Variants in ENPP2 observed in about 807,000 individuals in gnomAD.
ENPP2 encodes ectonucleotide pyrophosphatase/phosphodiesterase 2, also known as autotaxin.
A neutral mutation model predicts 120.2 loss-of-function variants in ENPP2; 51 were observed. The observed-to-expected ratio is 0.42, with a 90% CI of 0.34 to 0.54. ENPP2 has a LOEUF of 0.54. ENPP2 is among the 20% of genes least tolerant of loss of function. The pLI, the probability that ENPP2 is intolerant of heterozygous loss-of-function variation, is 0.04. For synonymous variants in ENPP2, 365 were observed against 366.4 expected (o/e 1.00, Z 0.04); for missense variants, 920 against 1,066.5 (o/e 0.86, Z 1.91).
intron 20 of ENPP2, 97 bp from the exon 21 acceptor site, chr8:119,569,467 T>G: frequency 8.9e-7 from 1 of 1,120,286 alleles, no homozygotes; most frequent in Non-Finnish European, 1.2e-6. Flanking sequence ...GTATTCTGAT[T>G]GATAGTCTGA....
intron 8 of ENPP2, among the ~76,000 whole-genome samples, chr8:119,610,749 A>C (rs1259124606): frequency 6.6e-6 from 1 of 152,050 alleles, no homozygotes; most frequent in Non-Finnish European, 1.5e-5. Flanking sequence ...TAAAGATACA[A>C]AAAACCAGCC....
At chr8:119,571,836 TTTAA>T (rs1815013670) in intron 19 of ENPP2, 1 of 179,268 alleles carries the variant, frequency 5.6e-6, no homozygotes, top group Non-Finnish European at 1.2e-5. Context: ...TACATGTTGC[TTTAA>T]TTAAAGTCTT....
intron 8 of ENPP2, among the ~76,000 whole-genome samples, chr8:119,615,513 A>C (rs1815397851): frequency 6.6e-6 from 1 of 152,202 alleles, no homozygotes. Context: ...AAAGCCACCT[A>C]CAACCCTTTT....
intron 1 of ENPP2, chr8:119,673,186 A>C: frequency 7.3e-7 from 1 of 1,364,996 alleles, no homozygotes; most frequent in Admixed American, 2.0e-5. Flanking sequence ...TCTGCTTGAC[A>C]GAATGGCAGC....
rs186125704 is a variant in ENPP2 at position 119,629,349 on chromosome 8, A to C, written c.137-2629T>G. Among the ~76,000 whole-genome samples, 106 of 152,310 alleles carry C rather than the reference A, an allele frequency of 7.0e-4. 1 individual carries two copies. Among genetic ancestry groups the C allele is most frequent in the African/African-American group, 2.4e-3 (100 of 41,578 alleles). On this transcript the variant is annotated intron_variant, in intron 2 of 24. Coordinates refer to ENST00000075322, the MANE Select transcript of ENPP2 (RefSeq NM_001040092.3). The stretch of plus-strand genomic sequence containing the variant: ...GATTTATAATTTTATTTTCTTATTT[A>C]CATGCTTATGAATTTTTCATTTTTT...
At chr8:119,609,828 A>G (rs1563729647) in intron 8 of ENPP2, among the ~76,000 whole-genome samples, 1 of 152,358 alleles carries the variant, frequency 6.6e-6, no homozygotes, top group South Asian at 2.1e-4. Flanking sequence ...CTTGGCATCT[A>G]TGAAATTTAA....
At chr8:119,606,182 A>G (rs986875740) in intron 9 of ENPP2, among the ~76,000 whole-genome samples, 7 of 152,234 alleles carry the variant, frequency 4.6e-5, no homozygotes, top group African/African-American at 1.7e-4. Flanking sequence ...ATACTTCAAA[A>G]AAAAGGGGAA....
Position 119,593,837 on chromosome 8 carries a change from G to A in ENPP2, c.996C>T (p.Ile332=), listed in dbSNP as rs777887975. ...GPEMTNPLRE[I]DKIVGQLMDG... is the part of the protein sequence containing the mutation. Reference sequence around the variant, plus strand: ...CCATTAATTGCCCCACAATTTTGTCGATTTCCCTCAGAGGATTTGTCATCT... The same window carrying A: ...CCATTAATTGCCCCACAATTTTGTCAATTTCCCTCAGAGGATTTGTCATCT... The change falls in exon 12 of 25, where the codon ATC becomes ATT. Residue 332 remains isoleucine, a synonymous_variant. Coordinates refer to ENST00000075322, the MANE Select transcript of ENPP2 (RefSeq NM_001040092.3). 2.7e-5 allele frequency: 43 copies of A among 1,610,326 alleles called. No individual in the cohort carries two copies. The highest frequency in any genetic ancestry group is 3.3e-5 in the Non-Finnish European group (39 of 1,176,696).
chr8:119,580,893 T>C (rs1812686136), intron 18 of ENPP2: 1 of 152,166 alleles, frequency 6.6e-6, no homozygotes, highest in South Asian at 2.1e-4. Context: ...ATAGCATTTA[T>C]TAAAAATTTT....
chr8:119,612,933 C>A (rs940569678), intron 8 of ENPP2, among the ~76,000 whole-genome samples: 1 of 152,158 alleles, frequency 6.6e-6, no homozygotes, highest in Non-Finnish European at 1.5e-5. Context: ...TAATCTGCTT[C>A]TCTTAGAAAC....
rs188439112 is a variant in ENPP2, at chr8:119,631,994, T to C, written c.137-5274A>G. ...GTCATTTCCAGGCTCGCCCAAGCCA[T>C]TTATCTGAACATTCTGCTCATCCCT... On this transcript the variant is annotated intron_variant, in intron 2 of 24. Transcript: ENST00000075322. 7.9e-5 allele frequency among the ~76,000 whole-genome samples: 12 copies of C among 152,342 alleles called. No homozygotes were observed. In the East Asian group the frequency reaches 1.7e-3, roughly 22 times the overall value.
At chr8:119,627,736 C>T (rs907286006) in intron 2 of ENPP2, among the ~76,000 whole-genome samples, 9 of 151,854 alleles carry the variant, frequency 5.9e-5, no homozygotes, top group Non-Finnish European at 1.2e-4. Flanking sequence ...GTGGCAGGTG[C>T]CTGTAATATC....
chr8:119,667,612 A>G (rs903280676), intron 1 of ENPP2, among the ~76,000 whole-genome samples: 3 of 152,150 alleles, frequency 2.0e-5, no homozygotes, highest in Non-Finnish European at 4.4e-5. Flanking sequence ...TCACTTTTGA[A>G]TTAATCCACT....
intron 22 of ENPP2, among the ~76,000 whole-genome samples, chr8:119,566,480 T>A (rs532735910): frequency 6.6e-6 from 1 of 152,204 alleles, no homozygotes; most frequent in South Asian, 2.1e-4. Flanking sequence ...ATACCTTAGA[T>A]AATTATTTGC....
chr8:119,644,406 T>G (rs966552877), intron 1 of ENPP2, among the ~76,000 whole-genome samples: 3 of 151,492 alleles, frequency 2.0e-5, no homozygotes, highest in Non-Finnish European at 4.4e-5. Context: ...CCTGAATTAA[T>G]AGATACTTAA....
chr8:119,560,889 C>CAT (rs140305487), intron 24 of ENPP2, among the ~76,000 whole-genome samples: 5,248 of 150,886 alleles, frequency 0.035, 290 homozygotes, highest in African/African-American at 0.12. Flanking sequence ...GGGGAGAGAT[C>CAT]ATATATATAT....
At chr8:119,662,932 G>A (rs576178730) in intron 1 of ENPP2, among the ~76,000 whole-genome samples, 1 of 152,200 alleles carries the variant, frequency 6.6e-6, no homozygotes, top group Non-Finnish European at 1.5e-5. Context: ...CCAACATGGT[G>A]AAACCCCGTC....
chr8:119,568,511 C>A (rs184128353), intron 21 of ENPP2, among the ~76,000 whole-genome samples: 1 of 152,012 alleles, frequency 6.6e-6, no homozygotes. Context: ...CTTGAGTCTA[C>A]CAACATTATG....
At chr8:119,604,436 T>C (rs531508656) in intron 9 of ENPP2, among the ~76,000 whole-genome samples, 8 of 152,282 alleles carry the variant, frequency 5.3e-5, no homozygotes, top group African/African-American at 1.4e-4. Context: ...CCCTTAGCCA[T>C]TAGCATTTCA....
Sources: gnomAD v4.1 joint callset for allele counts (sites outside exome capture counted in the v4.1 genomes callset) on GRCh38, gnomAD v4.1.1 for gene constraint, MANE v1.5 for transcripts, NCBI Gene and HGNC (gene_info 2026-07-23, HGNC 2026-07-21) for gene names.